Variants in PARD3B observed in about 807,000 individuals in gnomAD.
PARD3B encodes the protein partitioning defective 3 homolog B.
In PARD3B, 103 loss-of-function variants were observed where a neutral mutation model predicts 130.2. The observed-to-expected ratio is 0.79, with a 90% confidence interval of 0.67 to 0.93. The LOEUF (loss-of-function observed/expected upper bound fraction) is 0.93, where lower values mean the gene tolerates loss of function less well. Ranked by LOEUF, PARD3B falls within the 40% of genes least tolerant of loss-of-function variation. PARD3B has a pLI of 0.00. For synonymous variants in PARD3B, 583 were observed against 553.2 expected, an observed-to-expected ratio of 1.05 and a Z score of -0.76; for missense variants, 1,609 against 1,499.2, an observed-to-expected ratio of 1.07 and a Z score of -1.21.
intron 15 of PARD3B, among the ~76,000 whole-genome samples, chr2:205,227,833 T>C (rs1407454050): frequency 6.6e-6 from 1 of 152,176 alleles, no homozygotes; most frequent in African/African-American, 2.4e-5. Context: ...TTCTTTCTTT[T>C]TCTTTTTTGT....
At chr2:204,979,642 A>G (rs1212247963) in intron 3 of PARD3B, among the ~76,000 whole-genome samples, 1 of 152,238 alleles carries the variant, frequency 6.6e-6, no homozygotes, top group Non-Finnish European at 1.5e-5. Flanking sequence ...ACAGATATGT[A>G]TAAAGGTATA....
At chr2:205,235,029 G>GA (rs1166591004) in intron 15 of PARD3B, among the ~76,000 whole-genome samples, 3 of 152,122 alleles carry the variant, frequency 2.0e-5, no homozygotes, top group African/African-American at 7.2e-5. Flanking sequence ...TGTGGGATAA[G>GA]AAAAATTGTG....
rs956997984 is a variant in PARD3B at position 205,568,730 on chromosome 2, G to A, written c.3260+15327G>A. Among the ~76,000 whole-genome samples, 1 of 152,116 alleles carries A rather than the reference G, an allele frequency of 6.6e-6. No individual in the cohort carries two copies. The highest frequency in any genetic ancestry group is 2.1e-4 in the South Asian group (1 of 4,818). ...AAAACTTGGCCAAACTCAGGGATTCGTCAGATGGCCCTGGTCGTGTGTCTT... is the reference window on the plus strand; with the variant it reads ...AAAACTTGGCCAAACTCAGGGATTCATCAGATGGCCCTGGTCGTGTGTCTT... On this transcript the variant is annotated intron_variant, in intron 22 of 22. Transcript: ENST00000406610. The surrounding 1 kb of genome is among the most constrained non-coding windows in gnomAD (Gnocchi z 5.3).
At position 205,617,469 on chromosome 2, in the gene PARD3B, C is replaced by T. The variant is rs557793575; in HGVS notation, c.*1656C>T. 9 of 152,292 alleles carry T rather than the reference C, an allele frequency of 5.9e-5. No homozygotes were observed. In the South Asian group the frequency reaches 1.9e-3, roughly 32 times the overall value. The allele number at this position is 152,292 out of a possible 1,614,324, so 9.4% of individuals were successfully genotyped here. ...TAGGACATCCCTCTACCCCAGCTTA[C>T]TCTTATCTTTTTAATTTAAAATAGT... On this transcript the variant is annotated 3_prime_UTR_variant, in exon 23 of 23. Coordinates refer to ENST00000406610, the MANE Select transcript of PARD3B (RefSeq NM_001302769.2).
At chr2:204,930,239 G>A (rs941549134) in intron 2 of PARD3B, among the ~76,000 whole-genome samples, 3 of 148,764 alleles carry the variant, frequency 2.0e-5, no homozygotes, top group Non-Finnish European at 4.5e-5. Context: ...CTAACATTTT[G>A]GAGTACAGTG....
rs192291588 is a variant in PARD3B, at chr2:205,367,047, G to T, written c.2631-33966G>T. Among the ~76,000 whole-genome samples the T allele has an allele frequency of 9.2e-5, 14 of 152,322 alleles. No homozygotes were observed. In the East Asian group the frequency reaches 2.7e-3, roughly 29 times the overall value. Reference sequence around the variant, plus strand: ...TTCTTGGTAAAAGCAGTGGCTTCTAGAAAGACGACCTCCACTCTAAAATTT... The same window carrying T: ...TTCTTGGTAAAAGCAGTGGCTTCTATAAAGACGACCTCCACTCTAAAATTT... On this transcript the variant is annotated intron_variant, in intron 18 of 22. Coordinates refer to ENST00000406610, the MANE Select transcript of PARD3B (RefSeq NM_001302769.2).
Position 205,241,099 on chromosome 2 carries a change from A to G in PARD3B, c.2141-4679A>G, listed in dbSNP as rs1178815177. On this transcript the variant is annotated intron_variant, in intron 15 of 22. Coordinates refer to ENST00000406610, the MANE Select transcript of PARD3B (RefSeq NM_001302769.2). This position sits in a 1 kb window ranked among gnomAD's most constrained non-coding sequence, Gnocchi z 4.2. The stretch of plus-strand genomic sequence containing the variant: ...TAAAAAGATGCCATTGATGCTGGGC[A>G]GTTCTAATTAGCTTCAAAGGCTTAC... Among the ~76,000 whole-genome samples, 1 of 152,196 alleles carries G rather than the reference A, an allele frequency of 6.6e-6. No homozygotes were observed. Among genetic ancestry groups the G allele is most frequent in the Non-Finnish European group, 1.5e-5 (1 of 68,004 alleles).
At chr2:204,753,400 C>A (rs1360122848) in intron 2 of PARD3B, among the ~76,000 whole-genome samples, 1 of 152,172 alleles carries the variant, frequency 6.6e-6, no homozygotes, top group Admixed American at 6.6e-5. Context: ...TCTTAAAGTT[C>A]TTTGATCTTA....
chr2:205,173,245 A>C (rs2035276941), intron 12 of PARD3B, among the ~76,000 whole-genome samples: 1 of 152,248 alleles, frequency 6.6e-6, no homozygotes, highest in South Asian at 2.1e-4. Flanking sequence ...GTTTTAATAA[A>C]GAGTTCAGCG....
chr2:205,548,832 G>T (rs2052491095), intron 21 of PARD3B, among the ~76,000 whole-genome samples: 1 of 152,066 alleles, frequency 6.6e-6, no homozygotes, highest in Non-Finnish European at 1.5e-5. Context: ...AATGAGGAGA[G>T]AAGCTACAGA....
intron 1 of PARD3B, among the ~76,000 whole-genome samples, chr2:204,604,639 C>T (rs1034777631): frequency 6.6e-6 from 1 of 152,148 alleles, no homozygotes; most frequent in African/African-American, 2.4e-5. Context: ...AAATGCTGGT[C>T]TTGAGCCATA....
chr2:205,385,690 T>A (rs2105961165), intron 18 of PARD3B, among the ~76,000 whole-genome samples: 1 of 152,252 alleles, frequency 6.6e-6, no homozygotes, highest in Middle Eastern at 3.4e-3. Flanking sequence ...GCTGTCTGTG[T>A]CATTTCTGAC....
chr2:205,526,133 G>A (rs1455431915), intron 21 of PARD3B, among the ~76,000 whole-genome samples: 5 of 152,140 alleles, frequency 3.3e-5, no homozygotes, highest in Non-Finnish European at 7.3e-5. Flanking sequence ...AACTGGTCAT[G>A]GACAATCTTG....
At chr2:205,365,061 A>G (rs1284529669) in intron 18 of PARD3B, among the ~76,000 whole-genome samples, 6 of 151,942 alleles carry the variant, frequency 3.9e-5, no homozygotes, top group Non-Finnish European at 5.9e-5. Flanking sequence ...TTAGCCAGGC[A>G]TGGTGGCAGG....
At chr2:205,053,242 G>A (rs938104008) in intron 4 of PARD3B, among the ~76,000 whole-genome samples, 1 of 151,936 alleles carries the variant, frequency 6.6e-6, no homozygotes, top group African/African-American at 2.4e-5. Context: ...AGAAATCACC[G>A]AGATATTACA....
At position 205,576,046 on chromosome 2, in the gene PARD3B, G is replaced by T. The variant is rs1180225306; in HGVS notation, c.3260+22643G>T. Among the ~76,000 whole-genome samples, 4 of 152,164 alleles carry T rather than the reference G, an allele frequency of 2.6e-5. No homozygotes were observed. In the East Asian group the frequency reaches 7.7e-4, roughly 29 times the overall value. ...TCCTTGTCAGCATTTGGTGTTGTCA[G>T]TATTTCTAATTGTGGCCATCCTAAT... On this transcript the variant is annotated intron_variant, in intron 22 of 22. Coordinates refer to ENST00000406610, the MANE Select transcript of PARD3B (RefSeq NM_001302769.2).
At chr2:205,532,535 C>T (rs552643898) in intron 21 of PARD3B, among the ~76,000 whole-genome samples, 1 of 152,198 alleles carries the variant, frequency 6.6e-6, no homozygotes, top group Non-Finnish European at 1.5e-5. Context: ...CTGTTACAAG[C>T]CACACCTTAC....
At chr2:205,245,362 A>G (rs2039526158) in intron 15 of PARD3B, among the ~76,000 whole-genome samples, 1 of 152,186 alleles carries the variant, frequency 6.6e-6, no homozygotes. Flanking sequence ...TTTTGACTAG[A>G]TAACAGAAGT....
intron 2 of PARD3B, among the ~76,000 whole-genome samples, chr2:204,849,085 G>A (rs1357380337): frequency 6.6e-6 from 1 of 151,956 alleles, no homozygotes; most frequent in Non-Finnish European, 1.5e-5. Flanking sequence ...GAAAATTCTT[G>A]CAACACATAA....
Sources: allele counts gnomAD v4.1 joint callset (sites outside exome capture counted in the v4.1 genomes callset), GRCh38; gene constraint gnomAD v4.1.1; non-coding constraint Gnocchi (gnomAD v3.1); transcripts MANE v1.5; gene names NCBI Gene and HGNC (gene_info 2026-07-23, HGNC 2026-07-21).